WASHC5: variants seen among roughly 807,000 people sequenced by gnomAD.
The protein encoded by WASHC5 is WASH complex subunit strumpellin.
In WASHC5, 101 loss-of-function variants were observed where a neutral mutation model predicts 150.4. That is an observed-to-expected ratio of 0.67 (90% confidence interval 0.57 to 0.79). The LOEUF (loss-of-function observed/expected upper bound fraction) is 0.79. Among genes scored for constraint, WASHC5 ranks in the 30% least tolerant of loss-of-function variants. The pLI is 0.00. For missense variants in WASHC5, 1,195 were observed against 1,396.3 expected (o/e 0.86, Z 2.30); for synonymous variants, 467 against 491.2 (o/e 0.95, Z 0.65).
At chr8:125,067,013 T>C (rs915414191) in intron 10 of WASHC5, among the ~76,000 whole-genome samples, 3 of 152,196 alleles carry the variant, frequency 2.0e-5, no homozygotes, top group Non-Finnish European at 4.4e-5. Context: ...ACATTTTTAT[T>C]AGTGTGATTC....
intron 26 of WASHC5, among the ~76,000 whole-genome samples, chr8:125,036,281 A>G (rs1243084527): frequency 6.6e-6 from 1 of 152,234 alleles, no homozygotes; most frequent in Non-Finnish European, 1.5e-5. Context: ...TTAGCTGCCT[A>G]AACATTAAAG....
At chr8:125,064,136 A>C (rs1816682057) in intron 10 of WASHC5, among the ~76,000 whole-genome samples, 1 of 151,110 alleles carries the variant, frequency 6.6e-6, no homozygotes, top group African/African-American at 2.5e-5. Context: ...GTTTTATTAT[A>C]CAAGTTTAAT....
chr8:125,071,754 C>T (rs1179045815), intron 9 of WASHC5, among the ~76,000 whole-genome samples: 2 of 152,194 alleles, frequency 1.3e-5, no homozygotes, highest in Non-Finnish European at 2.9e-5. Context: ...TTAACAATTA[C>T]CACAAACTCA....
chr8:125,046,040 C>T (rs1816056480), intron 20 of WASHC5, among the ~76,000 whole-genome samples: 1 of 152,220 alleles, frequency 6.6e-6, no homozygotes, highest in Non-Finnish European at 1.5e-5. Flanking sequence ...AGTTTCTCAA[C>T]TTTCACAAGT....
At chr8:125,067,020 AT>A (rs1268678520) in intron 10 of WASHC5, among the ~76,000 whole-genome samples, 1 of 152,018 alleles carries the variant, frequency 6.6e-6, no homozygotes, top group African/African-American at 2.4e-5. Flanking sequence ...TATTAGTGTG[AT>A]TCTGTTTTTT....
At chr8:125,024,718 C>T in intron 28 of WASHC5, 45 bp from the exon 29 acceptor site, 7 of 1,340,136 alleles carry the variant, frequency 5.2e-6, no homozygotes, top group Non-Finnish European at 7.5e-6. Flanking sequence ...TATAGTTGAA[C>T]AATTACAAAA....
chr8:125,036,630 C>A (rs927324990), intron 26 of WASHC5, among the ~76,000 whole-genome samples: 2 of 143,744 alleles, frequency 1.4e-5, no homozygotes, highest in African/African-American at 5.9e-5. Context: ...TGAGATTGTG[C>A]CACTGTACTC....
intron 25 of WASHC5, among the ~76,000 whole-genome samples, chr8:125,038,009 C>T (rs1408623013): frequency 1.3e-5 from 2 of 152,232 alleles, no homozygotes; most frequent in East Asian, 3.9e-4. Flanking sequence ...TGCTAGCTGG[C>T]CTCTCTGAGC....
chr8:125,056,272 A>G (rs1816402547), intron 16 of WASHC5, among the ~76,000 whole-genome samples: 1 of 152,200 alleles, frequency 6.6e-6, no homozygotes, highest in African/African-American at 2.4e-5. Context: ...AGGCTGCTGA[A>G]CTATTATTGA....
At chr8:125,057,902 A>G (rs1816461672) in intron 14 of WASHC5, among the ~76,000 whole-genome samples, 1 of 152,046 alleles carries the variant, frequency 6.6e-6, no homozygotes, top group Non-Finnish European at 1.5e-5. Flanking sequence ...TAGACATGCA[A>G]ATTACTGGGC....
Position 125,024,399 on chromosome 8 carries a change from A to G in WASHC5, c.*218T>C, listed in dbSNP as rs151072408. 6.1e-4 allele frequency: 369 copies of G among 600,386 alleles called. 2 individuals carry two copies. The African/African-American group carries it at 6.3e-3, about 10-fold the overall frequency. The allele number at this position is 600,386 out of a possible 1,614,324, so 37.2% of individuals were successfully genotyped here. On this transcript the variant is annotated 3_prime_UTR_variant, in exon 29 of 29. Coordinates refer to ENST00000318410, the MANE Select transcript of WASHC5 (RefSeq NM_014846.4). ...CAGTACAAAAATGTGTTCTGCTTTT[A>G]TCTGATATAAATTGCATGTAATACC... is the stretch of plus-strand genomic sequence containing the variant.
At position 125,075,003 on chromosome 8, in the gene WASHC5, C is replaced by T; in HGVS notation, c.973G>A (p.Glu325Lys). Residue 325 changes from glutamate to lysine, a missense_variant, in exon 8 of 29, where the codon GAA becomes AAA. By Grantham distance (56) the Glu-to-Lys change is moderately conservative. Transcript: ENST00000318410. The stretch of plus-strand genomic sequence containing the variant: ...GTCCCCAGATTAGAACCTACCTGTT[C>T]TCTGACATTTGAAAGGTCCAGGGTA... ...NNTLDLSNVR[E>K]QASRYATVSE... The T allele has an allele frequency of 6.3e-7, 1 of 1,598,300 alleles. No individual in the cohort carries two copies. The highest frequency in any genetic ancestry group is 8.6e-7 in the Non-Finnish European group (1 of 1,165,754).
At position 125,024,373 on chromosome 8, in the gene WASHC5, G is replaced by A. The variant is rs1815311561; in HGVS notation, c.*244C>T. The A allele has an allele frequency of 1.1e-5, 6 of 561,602 alleles. No homozygotes were observed. In the Admixed American group the frequency reaches 1.8e-4, roughly 17 times the overall value. The allele number at this position is 561,602 out of a possible 1,614,324, so 34.8% of individuals were successfully genotyped here. A position where few individuals can be genotyped will look rare whatever the true frequency, so the allele number is the denominator to read the frequency against. ...CAGTTACATTCAGCATTTAAGAGAGGCAGTACAAAAATGTGTTCTGCTTTT... is the reference window on the plus strand; with the variant it reads ...CAGTTACATTCAGCATTTAAGAGAGACAGTACAAAAATGTGTTCTGCTTTT... On this transcript the variant is annotated 3_prime_UTR_variant, in exon 29 of 29. Coordinates refer to ENST00000318410, the MANE Select transcript of WASHC5 (RefSeq NM_014846.4).
At position 125,024,660 on chromosome 8, in the gene WASHC5, T is replaced by C. The variant is rs1385388407; in HGVS notation, c.3437A>G (p.His1146Arg). ...TKLPRRVAEA[H>R]VPNFIFDEFR... is the part of the protein sequence containing the mutation. ...CTCATCAAAAATGAAATTAGGCACATGTGCTTCAGCAACCTGAAAAATTAA... is the reference window on the plus strand; with the variant it reads ...CTCATCAAAAATGAAATTAGGCACACGTGCTTCAGCAACCTGAAAAATTAA... The change falls in exon 29 of 29, where the codon CAT (histidine) becomes CGT (arginine). Residue 1146 changes from histidine (H) to arginine (R), a missense_variant. Physicochemically the swap from His to Arg is conservative, Grantham distance 29. Around this residue, in one of 3 missense-constraint regions of WASHC5, gnomAD observed 997 missense variants for 1,168.1 expected, o/e 0.85. Transcript: ENST00000318410. 5.0e-6 allele frequency: 8 copies of C among 1,609,828 alleles called. No homozygotes were observed. Among genetic ancestry groups the C allele is most frequent in the Non-Finnish European group, 6.8e-6 (8 of 1,176,310 alleles).
intron 26 of WASHC5, among the ~76,000 whole-genome samples, chr8:125,035,751 T>C (rs1815685237): frequency 6.6e-6 from 1 of 151,752 alleles, no homozygotes; most frequent in Non-Finnish European, 1.5e-5. Context: ...TGATTACTTT[T>C]GAATGAGAGA....
At chr8:125,065,241 A>T (rs1030097480) in intron 10 of WASHC5, among the ~76,000 whole-genome samples, 1 of 152,254 alleles carries the variant, frequency 6.6e-6, no homozygotes, top group Non-Finnish European at 1.5e-5. Context: ...GATGGGAAGT[A>T]GGACAGAGGA....
chr8:125,076,876 T>C (rs1039289054), intron 6 of WASHC5, among the ~76,000 whole-genome samples: 3 of 152,202 alleles, frequency 2.0e-5, no homozygotes, highest in Non-Finnish European at 4.4e-5. Context: ...TTCTGTTTAT[T>C]ATTCAACTCA....
At chr8:125,035,064 T>C (rs967531800) in intron 26 of WASHC5, among the ~76,000 whole-genome samples, 1 of 151,984 alleles carries the variant, frequency 6.6e-6, no homozygotes, top group Non-Finnish European at 1.5e-5. Context: ...TGGAACAGAA[T>C]AGTCTAGAGA....
intron 5 of WASHC5, 74 bp from the exon 6 acceptor site, chr8:125,079,004 AATTCCATTCTACTT>A: frequency 8.0e-7 from 1 of 1,252,442 alleles, no homozygotes; most frequent in East Asian, 2.3e-5. Flanking sequence ...AATAAAGTAG[AATTCCATTCTACTT>A]TGACTCAATA....
Sources: allele counts gnomAD v4.1 joint callset (sites outside exome capture counted in the v4.1 genomes callset), GRCh38; gene constraint gnomAD v4.1.1; regional missense constraint gnomAD v4.1.1; transcripts MANE v1.5; gene names NCBI Gene and HGNC (gene_info 2026-07-23, HGNC 2026-07-21).